CXCL14: variants seen among roughly 807,000 people sequenced by gnomAD.
The protein encoded by CXCL14 is C-X-C motif chemokine 14.
A neutral mutation model predicts 16.1 loss-of-function variants in CXCL14; 9 were observed. The ratio of observed to expected loss-of-function variants is 0.56; its 90% CI spans 0.34 to 0.97. CXCL14 has a LOEUF of 0.97. Among genes scored for constraint, CXCL14 ranks in the 50% least tolerant of loss-of-function variants. The pLI, the probability that CXCL14 is intolerant of heterozygous loss-of-function variation, is 0.02. For synonymous variants in CXCL14, 55 were observed against 52.8 expected, an observed-to-expected ratio of 1.04 and a Z score of -0.18; for missense variants, 111 against 132.5, an observed-to-expected ratio of 0.84 and a Z score of 0.80.
At position 135,578,784 on chromosome 5, in the gene CXCL14, C is replaced by A. The variant is rs1053711974; in HGVS notation, c.-6G>T. ...GCGGCCGCCAGGAGCCTCATGCTGA[C>A]CGGAGGGGCGCGGCGTGGGAGCAGG... On this transcript the variant is annotated 5_prime_UTR_variant, in exon 1 of 4. Coordinates refer to ENST00000512158, the MANE Select transcript of CXCL14 (RefSeq NM_004887.5). 8 of 1,536,730 alleles carry A rather than the reference C, an allele frequency of 5.2e-6. No individual in the cohort carries two copies. The Middle Eastern group carries it at 5.1e-4, about 98-fold the overall frequency.
Position 135,578,738 on chromosome 5 carries a change from G to A in CXCL14, c.41C>T (p.Ala14Val). The change falls in exon 1 of 4, where the codon GCG (alanine) becomes GTG (valine). Residue 14 changes from alanine (A) to valine (V), a missense_variant. Transcript: ENST00000512158. ...ACCGTCCACACGCGCGGTGTACAGC[G>A]CCAGCAGCAGCAGGAGCAGCGCGGC... ...LAAALLLLLL[A>V]LYTARVDGSK... The A allele has an allele frequency of 6.5e-7, 1 of 1,547,306 alleles. No homozygotes were observed. The highest frequency in any genetic ancestry group is 8.7e-7 in the Non-Finnish European group (1 of 1,146,240).
chr5:135,571,927 A>G (rs1473735106), intron 3 of CXCL14, 59 bp from the exon 4 acceptor site: 1 of 1,582,066 alleles, frequency 6.3e-7, no homozygotes, highest in African/African-American at 1.3e-5. Context: ...CGTTCACAAG[A>G]TGCTGGCTAA....
At chr5:135,576,801 G>A (rs1018446122) in intron 2 of CXCL14, among the ~76,000 whole-genome samples, 4 of 151,664 alleles carry the variant, frequency 2.6e-5, no homozygotes, top group African/African-American at 4.9e-5. Flanking sequence ...GGGTAAGCTG[G>A]AAAATTTGCT....
chr5:135,571,127 T>C lies in CXCL14; in HGVS notation c.*726A>G, dbSNP rs1490590795. ...TCTGAAGCATTAAATATTGAACCTG[T>C]GAACCTTTCAGAAATCCTCAGGTTG... On this transcript the variant is annotated 3_prime_UTR_variant, in exon 4 of 4. Coordinates refer to ENST00000512158, the MANE Select transcript of CXCL14 (RefSeq NM_004887.5). 6.6e-6 allele frequency: 1 copy of C among 152,262 alleles called. No individual in the cohort carries two copies. The highest frequency in any genetic ancestry group is 2.4e-5 in the African/African-American group (1 of 41,468). The allele number at this position is 152,262 out of a possible 1,614,324, so 9.4% of individuals were successfully genotyped here.
Position 135,578,885 on chromosome 5 carries a change from G to T in CXCL14, c.-107C>A. 3.2e-6 allele frequency: 4 copies of T among 1,243,206 alleles called. No individual in the cohort carries two copies. Among genetic ancestry groups the T allele is most frequent in the Non-Finnish European group, 4.2e-6 (4 of 942,386 alleles). The allele number at this position is 1,243,206 out of a possible 1,614,324, so 77.0% of individuals were successfully genotyped here. On this transcript the variant is annotated 5_prime_UTR_variant, in exon 1 of 4. Coordinates refer to ENST00000512158, the MANE Select transcript of CXCL14 (RefSeq NM_004887.5). ...CAGCTCTGCTCGGCTTTCTCTGCCCGGGGCGCGCCTTCCGGCTCTGCTGGC... is the reference window on the plus strand; with the variant it reads ...CAGCTCTGCTCGGCTTTCTCTGCCCTGGGCGCGCCTTCCGGCTCTGCTGGC...
At chr5:135,577,381 A>T (rs1277113482) in intron 2 of CXCL14, among the ~76,000 whole-genome samples, 1 of 152,174 alleles carries the variant, frequency 6.6e-6, no homozygotes, top group Non-Finnish European at 1.5e-5. Flanking sequence ...AGGGACAAGC[A>T]AGTTAATTTA....
intron 3 of CXCL14, among the ~76,000 whole-genome samples, chr5:135,572,668 C>G (rs1246829614): frequency 6.6e-6 from 1 of 152,212 alleles, no homozygotes; most frequent in African/African-American, 2.4e-5. Flanking sequence ...ACTGAATTAT[C>G]CATTGAAATA....
intron 2 of CXCL14, among the ~76,000 whole-genome samples, chr5:135,575,107 C>T (rs954065553): frequency 6.6e-6 from 1 of 152,170 alleles, no homozygotes; most frequent in Non-Finnish European, 1.5e-5. Flanking sequence ...ATGCCAAAAC[C>T]TCTGTCCTTG....
Position 135,572,720 on chromosome 5 carries a change from C to T in CXCL14, c.285-852G>A, listed in dbSNP as rs188090139. On this transcript the variant is annotated intron_variant, in intron 3 of 3. Transcript: ENST00000512158. ...TGCTTCCTGTGGTGGCCAGAAGCTCCCTGGAAGCTCTGGTCTCTGAAGTGC... is the reference window on the plus strand; with the variant it reads ...TGCTTCCTGTGGTGGCCAGAAGCTCTCTGGAAGCTCTGGTCTCTGAAGTGC... Among the ~76,000 whole-genome samples, 404 of 152,316 alleles carry T rather than the reference C, an allele frequency of 2.7e-3. 1 individual carries two copies. The highest frequency in any genetic ancestry group is 4.6e-3 in the Non-Finnish European group (314 of 68,026).
At chr5:135,575,243 G>A (rs1441400455) in intron 2 of CXCL14, among the ~76,000 whole-genome samples, 2 of 152,148 alleles carry the variant, frequency 1.3e-5, no homozygotes, top group Non-Finnish European at 2.9e-5. Flanking sequence ...TGATCCTGAG[G>A]CAAAGTCTTG....
rs1751018866 is a variant in CXCL14 at position 135,571,059 on chromosome 5, T to C, written c.*794A>G. The C allele has an allele frequency of 6.6e-6, 1 of 152,208 alleles. No individual in the cohort carries two copies. The highest frequency in any genetic ancestry group is 1.5e-5 in the Non-Finnish European group (1 of 68,044). 9.4% of individuals were successfully genotyped at this position (152,208 alleles called of 1,614,324 possible). On this transcript the variant is annotated 3_prime_UTR_variant, in exon 4 of 4. Coordinates refer to ENST00000512158, the MANE Select transcript of CXCL14 (RefSeq NM_004887.5). The stretch of plus-strand genomic sequence containing the variant: ...CATGTATTCATATATTTTTAAGTTT[T>C]CTCCTAAGGTTTTTGCTGACAGTGT...
intron 2 of CXCL14, among the ~76,000 whole-genome samples, chr5:135,575,934 T>C (rs1751090170): frequency 1.3e-5 from 2 of 152,190 alleles, no homozygotes; most frequent in Admixed American, 6.5e-5. Flanking sequence ...TTCCCCACTG[T>C]TAACCAAATG....
In CXCL14 at chr5:135,578,557, G is replaced by T; in HGVS notation, c.65-18C>A. On this transcript the variant is annotated intron_variant, in intron 1 of 3. Transcript: ENST00000512158. ...TTTGGACCCTGCGAGCGAGCGCGGGGCAACGGCTTAGTTGCTAGGCGGTCT... is the reference window on the plus strand; with the variant it reads ...TTTGGACCCTGCGAGCGAGCGCGGGTCAACGGCTTAGTTGCTAGGCGGTCT... 1 of 1,612,530 alleles carries T rather than the reference G, an allele frequency of 6.2e-7. No homozygotes were observed. The highest frequency in any genetic ancestry group is 8.5e-7 in the Non-Finnish European group (1 of 1,178,680).
Position 135,578,986 on chromosome 5 carries a change from C to G in CXCL14, c.-208G>C. The G allele has an allele frequency of 1.8e-6, 1 of 543,116 alleles. No homozygotes were observed. The highest frequency in any genetic ancestry group is 3.1e-6 in the Non-Finnish European group (1 of 321,380). The allele number at this position is 543,116 out of a possible 1,614,324, so 33.6% of individuals were successfully genotyped here. On this transcript the variant is annotated 5_prime_UTR_variant, in exon 1 of 4. Transcript: ENST00000512158. Reference sequence around the variant, plus strand: ...CGCTCTGCGCTTGTCTCCGCGCTCTCTCCACAGCCTCCCTCCGCCCGCCCT... The same window carrying G: ...CGCTCTGCGCTTGTCTCCGCGCTCTGTCCACAGCCTCCCTCCGCCCGCCCT...
At chr5:135,578,380 G>C in intron 2 of CXCL14, 54 bp downstream of exon 2, 3 of 1,448,216 alleles carry the variant, frequency 2.1e-6, no homozygotes, top group Non-Finnish European at 2.9e-6. Context: ...GCTGTGCCCT[G>C]GCATTGGGTT....
Position 135,571,793 on chromosome 5 carries a change from A to G in CXCL14, c.*60T>C, listed in dbSNP as rs1015338086. ...TTTTTTTTTTTTTTTTTTAATCTGC[A>G]AAGTCCTTTGCACAAGTCTCCCAAC... On this transcript the variant is annotated 3_prime_UTR_variant, in exon 4 of 4. Transcript: ENST00000512158. 6.9e-6 allele frequency: 5 copies of G among 728,804 alleles called. No individual in the cohort carries two copies. In the African/African-American group the frequency reaches 7.8e-5, roughly 11 times the overall value. The allele number at this position is 728,804 out of a possible 1,614,324, so 45.1% of individuals were successfully genotyped here.
At chr5:135,577,873 T>C (rs757669727) in intron 2 of CXCL14, among the ~76,000 whole-genome samples, 1 of 152,206 alleles carries the variant, frequency 6.6e-6, no homozygotes, top group Non-Finnish European at 1.5e-5. Flanking sequence ...CTGCTCCGTA[T>C]TGGGGACCCA....
In CXCL14 at chr5:135,571,541, A is replaced by C; in HGVS notation, c.*312T>G. On this transcript the variant is annotated 3_prime_UTR_variant, in exon 4 of 4. Coordinates refer to ENST00000512158, the MANE Select transcript of CXCL14 (RefSeq NM_004887.5). The stretch of plus-strand genomic sequence containing the variant: ...TAGTGACGTATGGACAAATACAAAA[A>C]AGCATTTTTTAAAAAGGAAAGGCAT... 1 of 385,904 alleles carries C rather than the reference A, an allele frequency of 2.6e-6. No individual in the cohort carries two copies. The highest frequency in any genetic ancestry group is 4.6e-6 in the Non-Finnish European group (1 of 217,170). 23.9% of individuals were successfully genotyped at this position (385,904 alleles called of 1,614,324 possible).
intron 2 of CXCL14, among the ~76,000 whole-genome samples, chr5:135,576,636 G>A (rs1022130355): frequency 2.6e-5 from 4 of 152,156 alleles, no homozygotes; most frequent in African/African-American, 9.7e-5. Flanking sequence ...TTTGGTGAGA[G>A]CTCCATGGAC....
Sources: allele counts gnomAD v4.1 joint callset (sites outside exome capture counted in the v4.1 genomes callset), GRCh38; gene constraint gnomAD v4.1.1; transcripts MANE v1.5; gene names NCBI Gene and HGNC (gene_info 2026-07-23, HGNC 2026-07-21).